The following TMEM135 variants were observed in gnomAD, a reference collection of about 807,000 sequenced individuals.
The protein encoded by TMEM135 is transmembrane protein 135, also known as peroxisomal membrane protein 52.
A neutral mutation model predicts 60.3 loss-of-function variants in TMEM135; 30 were observed. The ratio of observed to expected loss-of-function variants is 0.50; its 90% confidence interval spans 0.37 to 0.68. TMEM135 has a LOEUF of 0.68. Among genes scored for constraint, TMEM135 ranks in the 30% least tolerant of loss-of-function variants. The pLI is 0.00. For synonymous variants in TMEM135, 190 were observed against 186.7 expected (o/e 1.02, Z -0.14); for missense variants, 468 against 548.8 (o/e 0.85, Z 1.47).
intron 12 of TMEM135, among the ~76,000 whole-genome samples, chr11:87,315,880 A>G (rs1238887282): frequency 6.6e-6 from 1 of 151,920 alleles, no homozygotes; most frequent in Non-Finnish European, 1.5e-5. Context: ...AATTGTTCCC[A>G]TCTTTGGCCA....
chr11:87,321,141 T>A, intron 14 of TMEM135, 60 bp from the exon 15 acceptor site: 1 of 1,455,400 alleles, frequency 6.9e-7, no homozygotes, highest in South Asian at 1.3e-5. Context: ...TCAACTAAAA[T>A]GAATTATTTT....
At chr11:87,256,017 C>T (rs1394601976) in intron 6 of TMEM135, among the ~76,000 whole-genome samples, 1 of 152,128 alleles carries the variant, frequency 6.6e-6, no homozygotes, top group African/African-American at 2.4e-5. Context: ...ATTGATGTTT[C>T]AGGGATCTAT....
intron 1 of TMEM135, among the ~76,000 whole-genome samples, chr11:87,051,594 C>A: frequency 1.7e-5 from 1 of 58,660 alleles, no homozygotes; most frequent in Non-Finnish European, 2.6e-5. Context: ...ACCTAGGAAT[C>A]CAACTTACAA....
At chr11:87,058,680 C>T (rs1219103343) in intron 1 of TMEM135, among the ~76,000 whole-genome samples, 2 of 152,036 alleles carry the variant, frequency 1.3e-5, no homozygotes, top group African/African-American at 2.4e-5. Context: ...AGTGCAGTGG[C>T]GCGATCTCAG....
chr11:87,318,682 A>G (rs1312301786), intron 13 of TMEM135, among the ~76,000 whole-genome samples: 1 of 152,092 alleles, frequency 6.6e-6, no homozygotes, highest in Non-Finnish European at 1.5e-5. Context: ...TGAATTCTGT[A>G]ACCATTATTA....
intron 5 of TMEM135, among the ~76,000 whole-genome samples, chr11:87,165,904 G>T (rs1939028473): frequency 6.7e-6 from 1 of 149,982 alleles, no homozygotes; most frequent in Non-Finnish European, 1.5e-5. Flanking sequence ...ATGATAAAGG[G>T]GATATCACCA....
rs1390259987 is a variant in TMEM135, at chr11:87,327,204, C to T, written c.*5871C>T. On this transcript the variant is annotated 3_prime_UTR_variant, in exon 15 of 15. Coordinates refer to ENST00000305494, the MANE Select transcript of TMEM135 (RefSeq NM_022918.4). ...AAAATGTAATGGAAAATCTGGGAAA[C>T]ACTTGGGAAAAATCTTCCCTCTCTG... is the stretch of plus-strand genomic sequence containing the variant. 2.2e-6 allele frequency: 1 copy of T among 453,966 alleles called. No homozygotes were observed. The highest frequency in any genetic ancestry group is 1.6e-5 in the South Asian group (1 of 64,472). 28.1% of individuals were successfully genotyped at this position (453,966 alleles called of 1,614,324 possible). A position where few individuals can be genotyped will look rare whatever the true frequency, so the allele number is the denominator to read the frequency against.
intron 6 of TMEM135, among the ~76,000 whole-genome samples, chr11:87,267,836 G>A (rs892253889): frequency 2.0e-5 from 3 of 152,024 alleles, no homozygotes; most frequent in Admixed American, 6.6e-5. Flanking sequence ...GGGATTACAG[G>A]TGCCACCACG....
At chr11:87,315,349 T>G (rs748545517) in intron 12 of TMEM135, among the ~76,000 whole-genome samples, 9 of 151,908 alleles carry the variant, frequency 5.9e-5, no homozygotes, top group Non-Finnish European at 1.3e-4. Flanking sequence ...CCTAAGCAAA[T>G]TCAGGTTTAA....
At chr11:87,168,733 T>C (rs1399557860) in intron 5 of TMEM135, among the ~76,000 whole-genome samples, 4 of 152,168 alleles carry the variant, frequency 2.6e-5, no homozygotes, top group African/African-American at 9.7e-5. Flanking sequence ...AATTATCTGG[T>C]CAATTTTAGA....
chr11:87,314,306 A>G (rs1307467743), intron 11 of TMEM135, among the ~76,000 whole-genome samples, 165 bp from the exon 12 acceptor site: 1 of 151,854 alleles, frequency 6.6e-6, no homozygotes, highest in Non-Finnish European at 1.5e-5. Flanking sequence ...AAAATATGCA[A>G]TAATATCTCA....
chr11:87,093,810 G>A (rs1036358213), intron 4 of TMEM135, among the ~76,000 whole-genome samples: 13 of 152,060 alleles, frequency 8.5e-5, no homozygotes, highest in African/African-American at 3.1e-4. Flanking sequence ...GTTATTACAG[G>A]CATTAGCCAC....
intron 6 of TMEM135, among the ~76,000 whole-genome samples, chr11:87,287,694 A>C (rs1192113267): frequency 6.6e-6 from 1 of 151,972 alleles, no homozygotes; most frequent in African/African-American, 2.4e-5. Context: ...ATAAATAATA[A>C]ATAAATGTAT....
At chr11:87,215,470 A>G (rs1940480571) in intron 5 of TMEM135, among the ~76,000 whole-genome samples, 1 of 152,184 alleles carries the variant, frequency 6.6e-6, no homozygotes, top group African/African-American at 2.4e-5. Context: ...TGGTCTTAAC[A>G]TGGTGTCACC....
At chr11:87,302,023 C>G (rs1026023805) in intron 7 of TMEM135, among the ~76,000 whole-genome samples, 1 of 152,046 alleles carries the variant, frequency 6.6e-6, no homozygotes, top group Non-Finnish European at 1.5e-5. Context: ...TTAAAGGGTG[C>G]TTCATTAAGT....
chr11:87,323,826 A>C lies in TMEM135; in HGVS notation c.*2493A>C. The C allele has an allele frequency of 2.2e-6, 1 of 453,426 alleles. No individual in the cohort carries two copies. The highest frequency in any genetic ancestry group is 4.4e-6 in the Non-Finnish European group (1 of 226,638). 28.1% of individuals were successfully genotyped at this position (453,426 alleles called of 1,614,324 possible). On this transcript the variant is annotated 3_prime_UTR_variant, in exon 15 of 15. Coordinates refer to ENST00000305494, the MANE Select transcript of TMEM135 (RefSeq NM_022918.4). ...AAATAATTTCAGGATCCATTTTATT[A>C]CTCATTTTTGAAGTAACACCTTTGG...
chr11:87,211,620 C>G (rs1035391887), intron 5 of TMEM135, among the ~76,000 whole-genome samples: 2 of 152,134 alleles, frequency 1.3e-5, no homozygotes, highest in African/African-American at 4.8e-5. Flanking sequence ...AGAAAGAGAA[C>G]AGCAAAACAG....
Position 87,256,088 on chromosome 11 carries a change from A to G in TMEM135, c.509+19404A>G, listed in dbSNP as rs144557519. 5.9e-3 allele frequency among the ~76,000 whole-genome samples: 899 copies of G among 152,296 alleles called. 7 individuals carry two copies. The highest frequency in any genetic ancestry group is 0.02 in the African/African-American group (833 of 41,566). ...AAGGGGTAGATTACTCCCTGTCTCC[A>G]TGTTAGGACAACCTTTTAATGGATG... On this transcript the variant is annotated intron_variant, in intron 6 of 14. Coordinates refer to ENST00000305494, the MANE Select transcript of TMEM135 (RefSeq NM_022918.4).
intron 4 of TMEM135, among the ~76,000 whole-genome samples, chr11:87,130,954 G>T (rs1937911387): frequency 6.7e-6 from 1 of 149,944 alleles, no homozygotes. Context: ...TTTAACCTTG[G>T]GATGTGACCT....
Sources: gnomAD v4.1 joint callset for allele counts (sites outside exome capture counted in the v4.1 genomes callset) on GRCh38, gnomAD v4.1.1 for gene constraint, MANE v1.5 for transcripts, NCBI Gene and HGNC (gene_info 2026-07-23, HGNC 2026-07-21) for gene names.